STPG2: variants seen among roughly 807,000 people sequenced by gnomAD.
STPG2 encodes sperm-tail PG-rich repeat-containing protein 2.
In STPG2, 56 loss-of-function variants were observed where a neutral mutation model predicts 54.2. The observed-to-expected ratio is 1.03, with a 90% CI of 0.83 to 1.29. STPG2 has a LOEUF of 1.29. STPG2 is among the 50% of genes most tolerant of loss of function. STPG2 has a pLI of 0.00. For synonymous variants in STPG2, 200 were observed against 181.8 expected, an observed-to-expected ratio of 1.10 and a Z score of -0.81; for missense variants, 596 against 544.9, an observed-to-expected ratio of 1.09 and a Z score of -0.93.
At chr4:98,002,097 A>G (rs1735430431) in intron 5 of STPG2, among the ~76,000 whole-genome samples, 1 of 152,110 alleles carries the variant, frequency 6.6e-6, no homozygotes, top group Admixed American at 6.6e-5. Context: ...AAGCCTAGTT[A>G]TAGTATTATC....
At chr4:98,015,147 G>A (rs1234161524) in intron 5 of STPG2, among the ~76,000 whole-genome samples, 3 of 152,052 alleles carry the variant, frequency 2.0e-5, no homozygotes, top group Admixed American at 2.0e-4. Flanking sequence ...ATAGGCATTG[G>A]CAAAGACTTC....
At chr4:97,720,207 TTAA>T (rs986527580) in intron 9 of STPG2, among the ~76,000 whole-genome samples, 6 of 152,042 alleles carry the variant, frequency 3.9e-5, no homozygotes, top group African/African-American at 1.4e-4. Flanking sequence ...GTGACCTTGA[TTAA>T]TTCTCTAAAT....
intron 4 of STPG2, among the ~76,000 whole-genome samples, chr4:97,549,478 C>A (rs1004579436): frequency 6.6e-6 from 1 of 152,006 alleles, no homozygotes. Flanking sequence ...AGATTCAAGT[C>A]CTGAGATGTC....
chr4:97,729,705 G>A (rs1724739541), intron 9 of STPG2, among the ~76,000 whole-genome samples: 1 of 152,048 alleles, frequency 6.6e-6, no homozygotes, highest in Non-Finnish European at 1.5e-5. Context: ...CTCCTAACAA[G>A]AGTAACAAGG....
At chr4:97,529,564 C>T (rs1004299105) in intron 4 of STPG2, among the ~76,000 whole-genome samples, 2 of 152,086 alleles carry the variant, frequency 1.3e-5, no homozygotes, top group Admixed American at 6.6e-5. Flanking sequence ...ATGGTAGCAT[C>T]TCCTCTTTGC....
At chr4:98,026,007 C>T in intron 5 of STPG2, 1 of 1,047,020 alleles carries the variant, frequency 9.6e-7, no homozygotes. Flanking sequence ...CAGAATGTTG[C>T]AGATTACATG....
At chr4:97,968,475 C>A (rs372544817) in intron 7 of STPG2, among the ~76,000 whole-genome samples, 1 of 152,116 alleles carries the variant, frequency 6.6e-6, no homozygotes, top group South Asian at 2.1e-4. Flanking sequence ...CTGGCAGAGA[C>A]ACAACAAAAA....
chr4:98,087,560 C>CTTTTTTTTTTTT (rs70955916), intron 5 of STPG2, among the ~76,000 whole-genome samples: 1 of 132,284 alleles, frequency 7.6e-6, no homozygotes, highest in Non-Finnish European at 1.6e-5. Flanking sequence ...CTCTTTTTTT[C>CTTTTTTTTTTTT]TTTTTTTTTT....
At chr4:97,459,551 T>C (rs900450505) in intron 4 of STPG2, among the ~76,000 whole-genome samples, 20 of 150,986 alleles carry the variant, frequency 1.3e-4, no homozygotes, top group African/African-American at 4.9e-4. Flanking sequence ...GCCATTCTCC[T>C]GCCTCAGCCT....
Position 98,109,222 on chromosome 4 carries a change from A to C in STPG2, c.471T>G (p.Gly157=). Reference sequence around the variant, plus strand: ...CTATATCATACTGTCCTGGACCAGGACCTGACTTTTTAGGTAACTCTTGTC... The same window carrying C: ...CTATATCATACTGTCCTGGACCAGGCCCTGACTTTTTAGGTAACTCTTGTC... The part of the protein sequence containing the change: ...SGRQELPKKS[G]PGPGQYDIVQ... Residue 157 remains glycine (G), a synonymous_variant, in exon 4 of 11, where the codon GGT becomes GGG. Coordinates refer to ENST00000295268, the MANE Select transcript of STPG2 (RefSeq NM_174952.3). 6.2e-7 allele frequency: 1 copy of C among 1,610,742 alleles called. No individual in the cohort carries two copies. The highest frequency in any genetic ancestry group is 8.5e-7 in the Non-Finnish European group (1 of 1,178,100).
intron 4 of STPG2, among the ~76,000 whole-genome samples, chr4:97,444,238 A>G (rs529106751): frequency 6.6e-6 from 1 of 152,308 alleles, no homozygotes; most frequent in African/African-American, 2.4e-5. Flanking sequence ...AATATTTGAA[A>G]AGATAATAGA....
chr4:97,953,449 G>A (rs1733548242), intron 7 of STPG2, among the ~76,000 whole-genome samples: 1 of 152,162 alleles, frequency 6.6e-6, no homozygotes, highest in African/African-American at 2.4e-5. Flanking sequence ...CTCCCAGTCT[G>A]CCTGTAAAGC....
chr4:97,602,699 T>C (rs562238006), intron 10 of STPG2, among the ~76,000 whole-genome samples: 1 of 151,866 alleles, frequency 6.6e-6, no homozygotes, highest in East Asian at 1.9e-4. Flanking sequence ...TATTGCATGA[T>C]TTTCTCTTAT....
intron 9 of STPG2, among the ~76,000 whole-genome samples, chr4:97,736,681 T>G (rs1445927056): frequency 2.0e-5 from 3 of 152,170 alleles, no homozygotes. Context: ...TTGCCCAGGC[T>G]TGCTTAGGTA....
chr4:97,888,242 C>A (rs1379744761), intron 8 of STPG2, among the ~76,000 whole-genome samples: 1 of 152,176 alleles, frequency 6.6e-6, no homozygotes. Flanking sequence ...GGGCCACCAT[C>A]CTCCAGACCC....
At chr4:97,879,907 A>G (rs1244333981) in intron 8 of STPG2, among the ~76,000 whole-genome samples, 1 of 152,208 alleles carries the variant, frequency 6.6e-6, no homozygotes, top group Middle Eastern at 3.2e-3. Flanking sequence ...TCAAAACACT[A>G]AAAATAGAGT....
chr4:97,582,869 T>A (rs866005667), intron 10 of STPG2, among the ~76,000 whole-genome samples: 1 of 152,036 alleles, frequency 6.6e-6, no homozygotes, highest in Non-Finnish European at 1.5e-5. Flanking sequence ...TGAAATGCTA[T>A]CATAAGCTGG....
intron 7 of STPG2, among the ~76,000 whole-genome samples, chr4:97,945,488 C>G (rs1733176009): frequency 6.6e-6 from 1 of 152,076 alleles, no homozygotes; most frequent in Non-Finnish European, 1.5e-5. Context: ...GGTTCCTTAT[C>G]TTTGCAATTG....
chr4:97,529,354 CT>C (rs1731361915), intron 4 of STPG2, among the ~76,000 whole-genome samples: 1 of 152,122 alleles, frequency 6.6e-6, no homozygotes, highest in African/African-American at 2.4e-5. Context: ...GGTGGATAAG[CT>C]TTTTGATGTT....
Sources: gnomAD v4.1 joint callset for allele counts (sites outside exome capture counted in the v4.1 genomes callset) on GRCh38, gnomAD v4.1.1 for gene constraint, MANE v1.5 for transcripts, NCBI Gene and HGNC (gene_info 2026-07-23, HGNC 2026-07-21) for gene names.